The following ZNF717 variants were observed in gnomAD, a reference collection of about 807,000 sequenced individuals.
The protein encoded by ZNF717 is krueppel-like factor X17.
ZNF717 carries 9 observed loss-of-function variants against 13.8 expected under a neutral mutation model. The observed-to-expected ratio is 0.65, with a 90% CI of 0.39 to 1.14. The LOEUF is 1.14. ZNF717 is among the 50% of genes most tolerant of loss of function. The pLI is 0.01. For missense variants in ZNF717, 1,040 were observed against 1,080.7 expected (o/e 0.96, Z 0.53); for synonymous variants, 327 against 364.1 (o/e 0.90, Z 1.16).
chr3:75,754,478 A>G (rs1942293182), intron 2 of ZNF717, among the ~76,000 whole-genome samples: 1 of 152,152 alleles, frequency 6.6e-6, no homozygotes, highest in Non-Finnish European at 1.5e-5. Flanking sequence ...AATGAACTAG[A>G]CAGCATTCAA....
chr3:75,764,667 T>C (rs13071587), intron 2 of ZNF717, among the ~76,000 whole-genome samples: 39,544 of 151,248 alleles, frequency 0.26, 1,844 homozygotes, highest in Non-Finnish European at 0.35. Context: ...ACATGAGATA[T>C]ATGAGAAGAT....
chr3:75,749,562 C>A (rs1837272), intron 2 of ZNF717, among the ~76,000 whole-genome samples: 125,492 of 151,222 alleles, frequency 0.83, 52,025 homozygotes, highest in East Asian at 0.89. Context: ...ACATAGGATT[C>A]CAGAACACTG....
At chr3:75,768,878 T>C (rs1347791193) in intron 2 of ZNF717, among the ~76,000 whole-genome samples, 3 of 152,100 alleles carry the variant, frequency 2.0e-5, no homozygotes, top group Non-Finnish European at 4.4e-5. Flanking sequence ...CAGTCCTCAC[T>C]GTGGCTGAGT....
intron 6 of ZNF717, among the ~76,000 whole-genome samples, chr3:75,700,399 A>T (rs1937668224): frequency 6.6e-6 from 1 of 152,310 alleles, no homozygotes; most frequent in Non-Finnish European, 1.5e-5. Flanking sequence ...TCGAAAAAAA[A>T]AAAAAAGACA....
chr3:75,739,819 G>A (rs78852713), intron 4 of ZNF717, among the ~76,000 whole-genome samples: 1 of 152,154 alleles, frequency 6.6e-6, no homozygotes, highest in African/African-American at 2.4e-5. Context: ...TCCTAAGCAT[G>A]GAAGCAGCTT....
chr3:75,742,721 A>C (rs1940633596), intron 2 of ZNF717, among the ~76,000 whole-genome samples: 1 of 152,238 alleles, frequency 6.6e-6, no homozygotes, highest in Non-Finnish European at 1.5e-5. Flanking sequence ...TTCTGCATTT[A>C]AATATTTGAC....
downstream of ZNF717, among the ~76,000 whole-genome samples, chr3:75,725,124 C>T (rs1938252281): frequency 1.3e-5 from 2 of 151,590 alleles, no homozygotes; most frequent in Non-Finnish European, 2.9e-5. Flanking sequence ...TCCATGTTTC[C>T]ATCAGCCTGC....
chr3:75,735,981 G>A lies in ZNF717; in HGVS notation c.*897C>T, dbSNP rs1298150479. ...ACCAGCACCATTTTTCCAACACCAT[G>A]GGCTCACTTCACATCTCTGTCACAT... On this transcript the variant is annotated 3_prime_UTR_variant, in exon 5 of 5. Coordinates refer to ENST00000652011, the MANE Select transcript of ZNF717 (RefSeq NM_001290208.3). The A allele has an allele frequency of 6.6e-6, 1 of 152,082 alleles. No homozygotes were observed. The highest frequency in any genetic ancestry group is 1.9e-4 in the East Asian group (1 of 5,184). The allele number at this position is 152,082 out of a possible 1,614,324, so 9.4% of individuals were successfully genotyped here. A position where few individuals can be genotyped will look rare whatever the true frequency, so the allele number is the denominator to read the frequency against.
chr3:75,783,717 T>G (rs1159283161), intron 1 of ZNF717, among the ~76,000 whole-genome samples: 1 of 152,256 alleles, frequency 6.6e-6, no homozygotes, highest in African/African-American at 2.4e-5. Context: ...AGAAATATAC[T>G]GGGCTGTATT....
In ZNF717 at chr3:75,738,597, A is replaced by G. The variant is rs756541625; in HGVS notation, c.1026T>C (p.Asn342=). ...TACGGCGAAAGGTTTTACCACATTC[A>G]TTGCATCCATAGGGCTTTTCCCCTG... ...IHTGEKPYGC[N]ECGKTFRRKS... is the part of the protein sequence containing the mutation. The change falls in exon 5 of 5, where the codon AAT becomes AAC. Residue 342 remains asparagine, a synonymous_variant. Transcript: ENST00000652011. 5.8e-6 allele frequency: 9 copies of G among 1,541,962 alleles called. No homozygotes were observed. Among genetic ancestry groups the G allele is most frequent in the South Asian group, 1.2e-5 (1 of 83,506 alleles).
chr3:75,736,565 C>T lies in ZNF717; in HGVS notation c.*313G>A, dbSNP rs2106997981. 6.2e-6 allele frequency: 2 copies of T among 322,542 alleles called. No homozygotes were observed. The highest frequency in any genetic ancestry group is 1.1e-5 in the Non-Finnish European group (2 of 180,914). 20.0% of individuals were successfully genotyped at this position (322,542 alleles called of 1,614,324 possible). A position where few individuals can be genotyped will look rare whatever the true frequency, so the allele number is the denominator to read the frequency against. On this transcript the variant is annotated 3_prime_UTR_variant, in exon 5 of 5. Coordinates refer to ENST00000652011, the MANE Select transcript of ZNF717 (RefSeq NM_001290208.3). ...CATTCCCTTGAGACAAAGCCTAATC[C>T]TGAGAAAGGCCCTAACTCTCTTCAA...
intron 2 of ZNF717, among the ~76,000 whole-genome samples, chr3:75,765,027 A>ATGTGTG (rs1253265300): frequency 4.8e-5 from 2 of 42,058 alleles, no homozygotes; most frequent in East Asian, 8.9e-4. Flanking sequence ...ATATATATAT[A>ATGTGTG]TATGTATATG....
chr3:75,716,141 T>TC (rs1372281802), intron 5 of ZNF717, among the ~76,000 whole-genome samples: 2 of 151,060 alleles, frequency 1.3e-5, no homozygotes, highest in South Asian at 2.1e-4. Context: ...TGGCTAATTT[T>TC]TTTTTTTTTT....
At chr3:75,756,822 G>T (rs1234931733) in intron 2 of ZNF717, among the ~76,000 whole-genome samples, 1 of 152,196 alleles carries the variant, frequency 6.6e-6, no homozygotes, top group East Asian at 1.9e-4. Context: ...TTACGGGCAT[G>T]CGCCACCACG....
At position 75,737,912 on chromosome 3, in the gene ZNF717, A is replaced by G. The variant is rs779655396; in HGVS notation, c.1711T>C (p.Ser571Pro). 19 of 1,546,308 alleles carry G rather than the reference A, an allele frequency of 1.2e-5. No individual in the cohort carries two copies. The South Asian group carries it at 2.1e-4, about 17-fold the overall frequency. ...GTTAGGAATGACTTACAGTGAAAGG[A>G]TTTTCCACATTCATTACATTCATAG... is the stretch of plus-strand genomic sequence containing the variant. The part of the protein sequence containing the change: ...KPYECNECGK[S>P]FHCKSFLTIH... Residue 571 changes from serine to proline, a missense_variant, in exon 5 of 5, where the codon TCC (serine) becomes CCC (proline). Physicochemically the swap from Ser to Pro is moderately conservative, Grantham distance 74. Around this residue, in one of 3 missense-constraint regions of ZNF717, gnomAD observed 873 missense variants for 832.8 expected, o/e 1.05. Coordinates refer to ENST00000652011, the MANE Select transcript of ZNF717 (RefSeq NM_001290208.3).
chr3:75,741,785 C>G (rs371805243), intron 2 of ZNF717, 49 bp from the exon 3 acceptor site: 1 of 1,557,882 alleles, frequency 6.4e-7, no homozygotes, highest in Non-Finnish European at 8.7e-7. Context: ...CGTTCCTGTA[C>G]AGGGTCCTCT....
chr3:75,774,346 T>C (rs1443795150), intron 2 of ZNF717, among the ~76,000 whole-genome samples: 4 of 152,136 alleles, frequency 2.6e-5, no homozygotes, highest in Non-Finnish European at 4.4e-5. Context: ...TTTCATAACA[T>C]CAAGTGTTTA....
At chr3:75,705,645 C>T (rs1937789937), downstream of ZNF717, among the ~76,000 whole-genome samples, 2 of 152,038 alleles carry the variant, frequency 1.3e-5, no homozygotes, top group Admixed American at 1.3e-4. Flanking sequence ...ATATATACCC[C>T]ACTCTCGAAA....
chr3:75,754,549 A>T (rs1474370139), intron 2 of ZNF717, among the ~76,000 whole-genome samples: 1 of 91,110 alleles, frequency 1.1e-5, no homozygotes, highest in African/African-American at 3.5e-5. Flanking sequence ...ATTTAGTGAT[A>T]AAAAATGTGG....
Sources: allele counts gnomAD v4.1 joint callset (sites outside exome capture counted in the v4.1 genomes callset), GRCh38; gene constraint gnomAD v4.1.1; regional missense constraint gnomAD v4.1.1; transcripts MANE v1.5; gene names NCBI Gene and HGNC (gene_info 2026-07-23, HGNC 2026-07-21).